The following CNNM2 variants were observed in gnomAD, a reference collection of about 807,000 sequenced individuals.
CNNM2 encodes cyclin and CBS domain divalent metal cation transport mediator 2, also known as metal transporter CNNM2.
In CNNM2, 12 loss-of-function variants were observed where a neutral mutation model predicts 66.9. The ratio of observed to expected loss-of-function variants is 0.18; its 90% CI spans 0.11 to 0.29. The LOEUF is 0.29. Ranked by LOEUF, CNNM2 falls within the 10% of genes least tolerant of loss-of-function variation. The pLI is 1.00. For missense variants in CNNM2, 705 were observed against 1,167.7 expected (o/e 0.60, Z 5.77); for synonymous variants, 557 against 501.8 (o/e 1.11, Z -1.47).
chr10:103,000,966 A>G lies in CNNM2; in HGVS notation c.1622-48741A>G, dbSNP rs530650550. On this transcript the variant is annotated intron_variant, in intron 1 of 7. Transcript: ENST00000369878. ...CCATCAGTGGATGAATGGGTAAGCA[A>G]AATGTGGTATTTACCAACAATGGAA... is the stretch of plus-strand genomic sequence containing the variant. 1.3e-4 allele frequency among the ~76,000 whole-genome samples: 20 copies of G among 152,358 alleles called. No homozygotes were observed. In the South Asian group the frequency reaches 4.1e-3, roughly 32 times the overall value.
intron 1 of CNNM2, among the ~76,000 whole-genome samples, chr10:103,034,051 C>T (rs1590430789): frequency 2.0e-5 from 3 of 151,770 alleles, no homozygotes; most frequent in African/African-American, 7.2e-5. Flanking sequence ...ACAAAATTTA[C>T]AGAAGATAAT....
At chr10:102,928,928 G>C (rs960668035) in intron 1 of CNNM2, among the ~76,000 whole-genome samples, 2 of 152,158 alleles carry the variant, frequency 1.3e-5, no homozygotes, top group African/African-American at 4.8e-5. Flanking sequence ...ACATTTTAGC[G>C]TGTGTCCTTA....
chr10:103,068,024 G>A (rs1463220528), intron 4 of CNNM2, among the ~76,000 whole-genome samples: 2 of 152,314 alleles, frequency 1.3e-5, no homozygotes, highest in African/African-American at 4.8e-5. Context: ...CACAAACCAT[G>A]TCGGCCCTTG....
At chr10:103,061,534 CCT>C (rs1254111809) in intron 4 of CNNM2, among the ~76,000 whole-genome samples, 4 of 152,066 alleles carry the variant, frequency 2.6e-5, no homozygotes, top group Admixed American at 1.3e-4. Flanking sequence ...AAAGTTCTCT[CCT>C]CTCCTATAAA....
intron 1 of CNNM2, among the ~76,000 whole-genome samples, chr10:102,963,789 A>G (rs2063419284): frequency 6.6e-6 from 1 of 152,232 alleles, no homozygotes; most frequent in Non-Finnish European, 1.5e-5. Context: ...AGTCTGGTAG[A>G]GAAGATAAAG....
At chr10:103,038,584 C>T (rs184476222) in intron 1 of CNNM2, among the ~76,000 whole-genome samples, 4 of 152,156 alleles carry the variant, frequency 2.6e-5, no homozygotes, top group African/African-American at 7.2e-5. Flanking sequence ...TCAAATAAAC[C>T]TCTACCCTCA....
chr10:102,970,805 A>G (rs2063535503), intron 1 of CNNM2, among the ~76,000 whole-genome samples: 2 of 152,060 alleles, frequency 1.3e-5, no homozygotes, highest in South Asian at 2.1e-4. Flanking sequence ...ACCTGAATTC[A>G]TTTCTCAAGT....
At chr10:103,069,429 C>G (rs776654039) in intron 5 of CNNM2, among the ~76,000 whole-genome samples, 11 of 152,166 alleles carry the variant, frequency 7.2e-5, no homozygotes, top group Non-Finnish European at 1.5e-4. Flanking sequence ...TCCGGTTGCT[C>G]TGCATCCAGC....
chr10:102,918,880 G>A lies in CNNM2; in HGVS notation c.400G>A (p.Gly134Arg), dbSNP rs1263814026. The change falls in exon 1 of 8, where the codon GGG (glycine) becomes AGG (arginine). Residue 134 changes from glycine (G) to arginine (R), a missense_variant. Around this residue, in one of 9 missense-constraint regions of CNNM2, gnomAD observed 100 missense variants for 151.9 expected, o/e 0.66. Coordinates refer to ENST00000369878, the MANE Select transcript of CNNM2 (RefSeq NM_017649.5). The surrounding 1 kb of genome is among the most constrained non-coding windows in gnomAD (Gnocchi z 4.1). ...GCGGCGCCACAGCCCGGGGGAGCGC[G>A]GGCTGGGGGGCCCCGCGCCGCCAGA... ...ERRRHSPGER[G>R]LGGPAPPEPD... 1 of 1,608,094 alleles carries A rather than the reference G, an allele frequency of 6.2e-7. No individual in the cohort carries two copies.
In CNNM2 at chr10:103,022,507, C is replaced by T. The variant is rs548548444; in HGVS notation, c.1622-27200C>T. On this transcript the variant is annotated intron_variant, in intron 1 of 7. Transcript: ENST00000369878. ...ACTGATTGTGCTTATCTCTTTCCAA[C>T]TCTGTTTAGTGACACTGTTAATAAC... 1.8e-4 allele frequency among the ~76,000 whole-genome samples: 28 copies of T among 152,282 alleles called. No individual in the cohort carries two copies. The highest frequency in any genetic ancestry group is 6.0e-4 in the African/African-American group (25 of 41,536).
At chr10:103,051,198 C>T (rs768486488) in intron 2 of CNNM2, among the ~76,000 whole-genome samples, 4 of 152,210 alleles carry the variant, frequency 2.6e-5, no homozygotes, top group Non-Finnish European at 4.4e-5. Context: ...TTTGGGAGGC[C>T]GAGGTGGGTA....
intron 1 of CNNM2, among the ~76,000 whole-genome samples, chr10:102,947,404 C>T (rs897694182): frequency 3.3e-5 from 5 of 151,830 alleles, no homozygotes; most frequent in Non-Finnish European, 7.4e-5. Flanking sequence ...TATATATTGG[C>T]TAGAATTTTA....
chr10:102,964,951 C>T (rs1438726766), intron 1 of CNNM2, among the ~76,000 whole-genome samples: 2 of 152,124 alleles, frequency 1.3e-5, no homozygotes, highest in African/African-American at 2.4e-5. Flanking sequence ...CTTCACTCAG[C>T]ACTTGGCCCT....
chr10:103,024,663 A>G (rs1404534308), intron 1 of CNNM2, among the ~76,000 whole-genome samples: 1 of 151,974 alleles, frequency 6.6e-6, no homozygotes, highest in African/African-American at 2.4e-5. Flanking sequence ...TATTTTTAGT[A>G]GAGATGGGGT....
chr10:103,046,112 G>A (rs557911465), intron 1 of CNNM2, among the ~76,000 whole-genome samples: 2 of 152,374 alleles, frequency 1.3e-5, no homozygotes, highest in East Asian at 1.9e-4. Flanking sequence ...TGTCTTTGCT[G>A]GGTACCAGCA....
At chr10:102,949,269 C>T (rs540270520) in intron 1 of CNNM2, among the ~76,000 whole-genome samples, 3 of 151,816 alleles carry the variant, frequency 2.0e-5, no homozygotes, top group Non-Finnish European at 2.9e-5. Context: ...TCCGCCTCCC[C>T]GATTCAAGCA....
In CNNM2 at chr10:103,087,389, C is replaced by G. The variant is rs967507409; in HGVS notation, c.*10209C>G. 6.6e-6 allele frequency: 1 copy of G among 151,816 alleles called. No individual in the cohort carries two copies. Among genetic ancestry groups the G allele is most frequent in the Admixed American group, 6.6e-5 (1 of 15,224 alleles). The allele number at this position is 151,816 out of a possible 1,614,324, so 9.4% of individuals were successfully genotyped here. A position where few individuals can be genotyped will look rare whatever the true frequency, so the allele number is the denominator to read the frequency against. ...TCTTGAATACGTTTTGGTGGTCCTA[C>G]GGAGAGCTGTAACTAGCAGTGGAGT... On this transcript the variant is annotated 3_prime_UTR_variant, in exon 8 of 8. Coordinates refer to ENST00000369878, the MANE Select transcript of CNNM2 (RefSeq NM_017649.5).
At position 103,079,808 on chromosome 10, in the gene CNNM2, G is replaced by A. The variant is rs1256235034; in HGVS notation, c.*2628G>A. ...CTGTCAGGTCCCTGAAGGAATGAAGGCTAACATCTCCTTTGGGGAGAGCTT... is the reference window on the plus strand; with the variant it reads ...CTGTCAGGTCCCTGAAGGAATGAAGACTAACATCTCCTTTGGGGAGAGCTT... On this transcript the variant is annotated 3_prime_UTR_variant, in exon 8 of 8. Coordinates refer to ENST00000369878, the MANE Select transcript of CNNM2 (RefSeq NM_017649.5). 1 of 152,136 alleles carries A rather than the reference G, an allele frequency of 6.6e-6. No homozygotes were observed. The highest frequency in any genetic ancestry group is 1.5e-5 in the Non-Finnish European group (1 of 68,042). The allele number at this position is 152,136 out of a possible 1,614,324, so 9.4% of individuals were successfully genotyped here.
chr10:102,980,503 C>T (rs999392941), intron 1 of CNNM2, among the ~76,000 whole-genome samples: 4 of 152,012 alleles, frequency 2.6e-5, no homozygotes, highest in Non-Finnish European at 5.9e-5. Flanking sequence ...CTCCTGGGCT[C>T]AAGTGATCTG....
Sources: gnomAD v4.1 joint callset for allele counts (sites outside exome capture counted in the v4.1 genomes callset) on GRCh38, gnomAD v4.1.1 for gene constraint, gnomAD v4.1.1 regional missense constraint, Gnocchi (gnomAD v3.1) non-coding constraint, MANE v1.5 for transcripts, NCBI Gene and HGNC (gene_info 2026-07-23, HGNC 2026-07-21) for gene names.